Variants in LRRC4C observed in about 807,000 individuals in gnomAD.
LRRC4C encodes the protein leucine rich repeat containing 4C, also known as leucine-rich repeat-containing protein 4C.
In LRRC4C, 5 loss-of-function variants were observed where a neutral mutation model predicts 33.6. The ratio of observed to expected loss-of-function variants is 0.15; its 90% confidence interval spans 0.08 to 0.31. The LOEUF (loss-of-function observed/expected upper bound fraction) is 0.31, where lower values mean the gene tolerates loss of function less well. LRRC4C is among the 10% of genes least tolerant of loss of function. The pLI is 1.00. For synonymous variants in LRRC4C, 329 were observed against 302.0 expected, an observed-to-expected ratio of 1.09 and a Z score of -0.93; for missense variants, 560 against 796.7, an observed-to-expected ratio of 0.70 and a Z score of 3.58.
chr11:40,713,644 A>G (rs528791398), intron 2 of LRRC4C, among the ~76,000 whole-genome samples: 81 of 152,356 alleles, frequency 5.3e-4, no homozygotes, highest in Non-Finnish European at 1.0e-3. Context: ...GCTATAATAG[A>G]GTATTTTAAA....
chr11:41,389,639 C>CAAAAAAAAAAAAAAAAAAAA (rs56194204), intron 1 of LRRC4C, among the ~76,000 whole-genome samples: 3 of 80,944 alleles, frequency 3.7e-5, no homozygotes, highest in East Asian at 5.4e-4. Flanking sequence ...CAGTGAGCAG[C>CAAAAAAAAAAAAAAAAAAAA]AAAAAAAAAA....
At chr11:40,454,785 AC>A (rs1952056798) in intron 3 of LRRC4C, among the ~76,000 whole-genome samples, 1 of 152,132 alleles carries the variant, frequency 6.6e-6, no homozygotes, top group African/African-American at 2.4e-5. Flanking sequence ...ATTTTCAGAC[AC>A]CTTTATGGGT....
At chr11:41,344,203 CTT>C (rs1299474364) in intron 1 of LRRC4C, among the ~76,000 whole-genome samples, 2 of 148,904 alleles carry the variant, frequency 1.3e-5, no homozygotes, top group Non-Finnish European at 3.0e-5. Flanking sequence ...CCAATTCACT[CTT>C]TGCTCCTCTG....
At chr11:40,180,352 T>G (rs1014641489) in intron 5 of LRRC4C, among the ~76,000 whole-genome samples, 1 of 152,134 alleles carries the variant, frequency 6.6e-6, no homozygotes, top group Non-Finnish European at 1.5e-5. Flanking sequence ...TGGTGATGAG[T>G]TCAGCAATTT....
chr11:40,364,286 C>G, intron 3 of LRRC4C, among the ~76,000 whole-genome samples: 1 of 151,374 alleles, frequency 6.6e-6, no homozygotes, highest in East Asian at 1.9e-4. Flanking sequence ...TGACCTAGAC[C>G]AAAAAAAATT....
chr11:40,884,905 T>G (rs1955370288), intron 2 of LRRC4C, among the ~76,000 whole-genome samples: 1 of 152,064 alleles, frequency 6.6e-6, no homozygotes, highest in South Asian at 2.1e-4. Context: ...CTTCATGTCC[T>G]CATTTACAAG....
At chr11:41,124,409 T>C (rs1257057021) in intron 1 of LRRC4C, among the ~76,000 whole-genome samples, 2 of 152,216 alleles carry the variant, frequency 1.3e-5, no homozygotes, top group African/African-American at 4.8e-5. Flanking sequence ...CCAAGAATTC[T>C]GTTATGAATG....
At chr11:40,775,737 T>C (rs1949965803) in intron 2 of LRRC4C, among the ~76,000 whole-genome samples, 1 of 152,182 alleles carries the variant, frequency 6.6e-6, no homozygotes, top group Non-Finnish European at 1.5e-5. Context: ...AGAATTTGAC[T>C]TTTGCTTTTT....
At chr11:40,907,579 G>A (rs1956477819) in intron 2 of LRRC4C, among the ~76,000 whole-genome samples, 1 of 152,196 alleles carries the variant, frequency 6.6e-6, no homozygotes, top group African/African-American at 2.4e-5. Context: ...TATAGAAACA[G>A]TGAAAGAAGC....
intron 5 of LRRC4C, among the ~76,000 whole-genome samples, chr11:40,190,961 T>C (rs1040634069): frequency 2.6e-5 from 4 of 152,242 alleles, no homozygotes; most frequent in Non-Finnish European, 5.9e-5. Flanking sequence ...AAGAGGTCTT[T>C]CATTTGGTCA....
At position 41,022,125 on chromosome 11, in the gene LRRC4C, G is replaced by C. The variant is rs1463523819; in HGVS notation, c.-495-88402C>G. 2.2e-5 allele frequency among the ~76,000 whole-genome samples: 3 copies of C among 136,412 alleles called. No homozygotes were observed. In the East Asian group the frequency reaches 6.3e-4, roughly 28 times the overall value. 89.5% of individuals were successfully genotyped at this position (136,412 alleles called of 152,430 possible). A position where few individuals can be genotyped will look rare whatever the true frequency, so the allele number is the denominator to read the frequency against. Reference sequence around the variant, plus strand: ...ATGCTTATGCTAACTTTAATTTTATGAGCTTACAATTTTGTTTTATATATA... The same window carrying C: ...ATGCTTATGCTAACTTTAATTTTATCAGCTTACAATTTTGTTTTATATATA... On this transcript the variant is annotated intron_variant, in intron 1 of 6. Coordinates refer to ENST00000528697, the MANE Select transcript of LRRC4C (RefSeq NM_001258419.2).
chr11:40,509,488 T>A (rs1251956798), intron 3 of LRRC4C, among the ~76,000 whole-genome samples: 1 of 150,142 alleles, frequency 6.7e-6, no homozygotes, highest in African/African-American at 2.5e-5. Context: ...GTTTTTAAAA[T>A]TTTTTTAATT....
chr11:41,113,769 AC>A (rs1941972352), intron 1 of LRRC4C, among the ~76,000 whole-genome samples: 1 of 151,316 alleles, frequency 6.6e-6, no homozygotes, highest in South Asian at 2.1e-4. Flanking sequence ...TAAGATTTAT[AC>A]CTTATTGTTT....
chr11:40,782,656 T>A (rs1769384936), intron 2 of LRRC4C, among the ~76,000 whole-genome samples: 1 of 152,200 alleles, frequency 6.6e-6, no homozygotes, highest in South Asian at 2.1e-4. Flanking sequence ...GTTTGTGTAT[T>A]GCTTTTGTTA....
At chr11:40,907,852 TA>T (rs1358308343) in intron 2 of LRRC4C, among the ~76,000 whole-genome samples, 1 of 152,220 alleles carries the variant, frequency 6.6e-6, no homozygotes, top group Non-Finnish European at 1.5e-5. Flanking sequence ...GTATCCACCT[TA>T]TTTTTTTGTT....
intron 6 of LRRC4C, among the ~76,000 whole-genome samples, chr11:40,139,752 C>T (rs1023022409): frequency 6.6e-6 from 1 of 152,204 alleles, no homozygotes; most frequent in African/African-American, 2.4e-5. Context: ...GAATAGGTCT[C>T]TGGTGCTTTT....
At chr11:41,331,412 C>A (rs1291968830) in intron 1 of LRRC4C, among the ~76,000 whole-genome samples, 1 of 152,086 alleles carries the variant, frequency 6.6e-6, no homozygotes, top group Admixed American at 6.6e-5. Flanking sequence ...AGAAACCTAA[C>A]CAATACATGT....
chr11:41,106,354 G>A (rs189223398), intron 1 of LRRC4C, among the ~76,000 whole-genome samples: 41 of 151,824 alleles, frequency 2.7e-4, no homozygotes, highest in African/African-American at 8.5e-4. Flanking sequence ...ATAGCTAGAT[G>A]TATTATTTAG....
At chr11:41,177,299 A>G (rs987497253) in intron 1 of LRRC4C, among the ~76,000 whole-genome samples, 1 of 152,126 alleles carries the variant, frequency 6.6e-6, no homozygotes, top group Non-Finnish European at 1.5e-5. Context: ...ATTATAGGGA[A>G]GCGTTTTTGT....
Sources: allele counts gnomAD v4.1 joint callset (sites outside exome capture counted in the v4.1 genomes callset), GRCh38; gene constraint gnomAD v4.1.1; transcripts MANE v1.5; gene names NCBI Gene and HGNC (gene_info 2026-07-23, HGNC 2026-07-21).